Variants in ATP6V1B2 observed in about 807,000 individuals in gnomAD.
ATP6V1B2 encodes the protein ATPase H+ transporting V1 subunit B2, also known as V-type proton ATPase subunit B, brain isoform.
In ATP6V1B2, 23 loss-of-function variants were observed where a neutral mutation model predicts 66.7. That is an observed-to-expected ratio of 0.34 (90% CI 0.25 to 0.49). The LOEUF is 0.49. Among genes scored for constraint, ATP6V1B2 ranks in the 20% least tolerant of loss-of-function variants. The pLI, the probability that ATP6V1B2 is intolerant of heterozygous loss-of-function variation, is 0.99. For missense variants in ATP6V1B2, 478 were observed against 650.8 expected, an observed-to-expected ratio of 0.73 and a Z score of 2.89; for synonymous variants, 278 against 236.7, an observed-to-expected ratio of 1.17 and a Z score of -1.60.
intron 9 of ATP6V1B2, 85 bp downstream of exon 9, chr8:20,212,990 T>G: frequency 6.5e-7 from 1 of 1,544,866 alleles, no homozygotes; most frequent in Non-Finnish European, 8.8e-7. Flanking sequence ...TTTCATTCTT[T>G]ATGGTTTTTT....
In ATP6V1B2 at chr8:20,212,806, C is replaced by A. The variant is rs2072809032; in HGVS notation, c.828C>A (p.Arg276=). 1 of 1,613,728 alleles carries A rather than the reference C, an allele frequency of 6.2e-7. No individual in the cohort carries two copies. The highest frequency in any genetic ancestry group is 2.2e-5 in the East Asian group (1 of 44,862). ...DPTIERIITP[R]LALTTAEFLA... is the part of the protein sequence containing the mutation. ...GCATTGAGCGAATTATCACTCCTCG[C>A]CTGGCTCTAACCACAGCTGAATTTC... The change falls in exon 9 of 14, where the codon CGC becomes CGA. Residue 276 remains arginine, a synonymous_variant. Transcript: ENST00000276390.
In ATP6V1B2 at chr8:20,212,079, CTGA is replaced by C. The variant is rs756228385; in HGVS notation, c.706-19_706-17del. 6.3e-7 allele frequency: 1 copy of C among 1,592,620 alleles called. No individual in the cohort carries two copies. The highest frequency in any genetic ancestry group is 1.1e-5 in the South Asian group (1 of 90,646). ...GTTAAGGATTTTTCTTCTCCCAGCA[CTGA>C]TGAAGTTATTGTTATTTAGGTAAAC... On this transcript the variant is annotated intron_variant, in intron 7 of 13. Transcript: ENST00000276390.
Position 20,211,738 on chromosome 8 carries a change from A to C in ATP6V1B2, c.690A>C (p.Val230=), listed in dbSNP as rs369235753. The C allele has an allele frequency of 5.0e-6, 8 of 1,607,264 alleles. No individual in the cohort carries two copies. The African/African-American group carries it at 1.1e-4, about 22-fold the overall frequency. Residue 230 remains valine, a synonymous_variant, in exon 7 of 14, where the codon GTA becomes GTC. Coordinates refer to ENST00000276390, the MANE Select transcript of ATP6V1B2 (RefSeq NM_001693.4). ...ACAGTGAGGAAAATTTTGCAATTGT[A>C]TTTGCTGCTATGGGTGTAAGTAGAA... is the stretch of plus-strand genomic sequence containing the variant. ...VDYSEENFAI[V]FAAMGVNMET...
At position 20,220,448 on chromosome 8, in the gene ATP6V1B2, G is replaced by T; in HGVS notation, c.*46G>T. 3 of 1,494,134 alleles carry T rather than the reference G, an allele frequency of 2.0e-6. No homozygotes were observed. The highest frequency in any genetic ancestry group is 1.4e-5 in the South Asian group (1 of 70,608). The allele number at this position is 1,494,134 out of a possible 1,614,324, so 92.6% of individuals were successfully genotyped here. ...CGCGCTCTTGTGAAATACTGGTTCT[G>T]TTTTCTTTATTCCTTTTGCACTCTC... On this transcript the variant is annotated 3_prime_UTR_variant, in exon 14 of 14. Coordinates refer to ENST00000276390, the MANE Select transcript of ATP6V1B2 (RefSeq NM_001693.4).
chr8:20,215,054 T>G, intron 10 of ATP6V1B2, 86 bp downstream of exon 10: 1 of 1,373,552 alleles, frequency 7.3e-7, no homozygotes, highest in Non-Finnish European at 9.9e-7. Flanking sequence ...GAAGTTATTT[T>G]GAGAACACAT....
At chr8:20,216,686 T>G in intron 11 of ATP6V1B2, 191 bp downstream of exon 11, 1 of 495,178 alleles carries the variant, frequency 2.0e-6, no homozygotes, top group Non-Finnish European at 3.5e-6. Flanking sequence ...ATTAAGAATC[T>G]TCTTAACACT....
rs1336772096 is a variant in ATP6V1B2, at chr8:20,220,615, G to A, written c.*213G>A. 5 of 596,352 alleles carry A rather than the reference G, an allele frequency of 8.4e-6. No individual in the cohort carries two copies. Among genetic ancestry groups the A allele is most frequent in the Non-Finnish European group, 1.3e-5 (5 of 381,652 alleles). 36.9% of individuals were successfully genotyped at this position (596,352 alleles called of 1,614,324 possible). A position where few individuals can be genotyped will look rare whatever the true frequency, so the allele number is the denominator to read the frequency against. On this transcript the variant is annotated 3_prime_UTR_variant, in exon 14 of 14. Coordinates refer to ENST00000276390, the MANE Select transcript of ATP6V1B2 (RefSeq NM_001693.4). The stretch of plus-strand genomic sequence containing the variant: ...CCCCTACCTGGGTCCTCAGTGCTAT[G>A]TTTAAAGTGCTGCAGGGATGGAGTG...
At chr8:20,210,157 C>T (rs1041157515) in intron 3 of ATP6V1B2, among the ~76,000 whole-genome samples, 189 bp from the exon 4 acceptor site, 2 of 150,312 alleles carry the variant, frequency 1.3e-5, no homozygotes, top group Non-Finnish European at 3.0e-5. Flanking sequence ...CAAATTTGGC[C>T]TGTAGGCATG....
rs773816321 is a variant in ATP6V1B2, at chr8:20,212,923, T to C, written c.927+18T>C. The C allele has an allele frequency of 1.2e-6, 2 of 1,612,750 alleles. No individual in the cohort carries two copies. On this transcript the variant is annotated intron_variant, in intron 9 of 13. Coordinates refer to ENST00000276390, the MANE Select transcript of ATP6V1B2 (RefSeq NM_001693.4). Reference sequence around the variant, plus strand: ...TTCGAGAGGTAAGTTGTTCATGTTTTTCCCTCAGTTAAACAAAATTGGTTA... The same window carrying C: ...TTCGAGAGGTAAGTTGTTCATGTTTCTCCCTCAGTTAAACAAAATTGGTTA...
Position 20,203,967 on chromosome 8 carries a change from A to G in ATP6V1B2, c.137-517A>G, listed in dbSNP as rs558922449. Reference sequence around the variant, plus strand: ...GGCTTTTTACCTTGCAGGCTATACAATTTCTCCAATTTCCTTTGTGACTTT... The same window carrying G: ...GGCTTTTTACCTTGCAGGCTATACAGTTTCTCCAATTTCCTTTGTGACTTT... On this transcript the variant is annotated intron_variant, in intron 1 of 13. Coordinates refer to ENST00000276390, the MANE Select transcript of ATP6V1B2 (RefSeq NM_001693.4). 1.8e-5 allele frequency: 8 copies of G among 455,536 alleles called. No homozygotes were observed. In the East Asian group the frequency reaches 2.1e-4, roughly 12 times the overall value. The allele number at this position is 455,536 out of a possible 1,614,324, so 28.2% of individuals were successfully genotyped here. A position where few individuals can be genotyped will look rare whatever the true frequency, so the allele number is the denominator to read the frequency against.
intron 9 of ATP6V1B2, 58 bp downstream of exon 9, chr8:20,212,963 C>T (rs778634572): frequency 7.5e-6 from 12 of 1,602,870 alleles, no homozygotes; most frequent in Non-Finnish European, 9.4e-6. Flanking sequence ...TCAGGGTTAA[C>T]TTGTCACTTT....
At chr8:20,207,151 G>T (rs1485498132) in intron 2 of ATP6V1B2, among the ~76,000 whole-genome samples, 1 of 152,166 alleles carries the variant, frequency 6.6e-6, no homozygotes, top group Non-Finnish European at 1.5e-5. Context: ...AAGATTCCAT[G>T]TTCATGAAGG....
Position 20,216,488 on chromosome 8 carries a change from A to G in ATP6V1B2, c.1154A>G (p.Asn385Ser). 2 of 1,613,020 alleles carry G rather than the reference A, an allele frequency of 1.2e-6. No individual in the cohort carries two copies. Among genetic ancestry groups the G allele is most frequent in the Non-Finnish European group, 1.7e-6 (2 of 1,179,194 alleles). The change falls in exon 11 of 14, where the codon AAC becomes AGC. Residue 385 changes from asparagine to serine, a missense_variant. Asn to Ser is a conservative substitution (Grantham distance 46, BLOSUM62 1). Coordinates refer to ENST00000276390, the MANE Select transcript of ATP6V1B2 (RefSeq NM_001693.4). ...ATCTATGTGGACAGACAGCTGCACA[A>G]CAGACAGGTACTGGACGGGAGCAGT... ...GQIYVDRQLH[N>S]RQIYPPINVL... is the part of the protein sequence containing the mutation.
chr8:20,201,338 A>G (rs2072684970), intron 1 of ATP6V1B2, among the ~76,000 whole-genome samples: 2 of 152,316 alleles, frequency 1.3e-5, no homozygotes, highest in South Asian at 4.1e-4. Context: ...GGGCAACTTA[A>G]TGTCTTTGAC....
chr8:20,209,247 T>C (rs1277061161), intron 2 of ATP6V1B2, among the ~76,000 whole-genome samples, 186 bp from the exon 3 acceptor site: 1 of 152,216 alleles, frequency 6.6e-6, no homozygotes, highest in Non-Finnish European at 1.5e-5. Context: ...CTAGTATATG[T>C]GACAGTGATG....
Position 20,214,976 on chromosome 8 carries a change from T to G in ATP6V1B2, c.1078+8T>G. 1 of 1,612,484 alleles carries G rather than the reference T, an allele frequency of 6.2e-7. No homozygotes were observed. The highest frequency in any genetic ancestry group is 8.5e-7 in the Non-Finnish European group (1 of 1,179,142). On this transcript the variant is annotated splice_region_variant and intron_variant, in intron 10 of 13. Transcript: ENST00000276390. The stretch of plus-strand genomic sequence containing the variant: ...TAACCATGCCTAATGATGGTAAGTT[T>G]TGGTATTTGGATTATAACACACCTA...
chr8:20,208,734 G>A (rs891059230), intron 2 of ATP6V1B2, among the ~76,000 whole-genome samples: 1 of 141,192 alleles, frequency 7.1e-6, no homozygotes, highest in Non-Finnish European at 1.5e-5. Flanking sequence ...TTGAGACAGA[G>A]TCTTTTTCTA....
At chr8:20,203,915 C>G (rs1342969214) in intron 1 of ATP6V1B2, 2 of 448,114 alleles carry the variant, frequency 4.5e-6, no homozygotes, top group East Asian at 7.0e-5. Flanking sequence ...GCTCTTTTCC[C>G]TAGTTTTTAT....
intron 1 of ATP6V1B2, among the ~76,000 whole-genome samples, chr8:20,203,555 T>C (rs2072707679): frequency 6.6e-6 from 1 of 152,166 alleles, no homozygotes; most frequent in Admixed American, 6.5e-5. Context: ...TTCATGTTAA[T>C]TATTTTAGGC....
Sources: allele counts gnomAD v4.1 joint callset (sites outside exome capture counted in the v4.1 genomes callset), GRCh38; gene constraint gnomAD v4.1.1; transcripts MANE v1.5; gene names NCBI Gene and HGNC (gene_info 2026-07-23, HGNC 2026-07-21).